Variants in TENM3 observed in about 807,000 individuals in gnomAD.
TENM3 encodes the protein teneurin-3.
A neutral mutation model predicts 255.1 loss-of-function variants in TENM3; 63 were observed. That is an observed-to-expected ratio of 0.25 (90% CI 0.20 to 0.30). TENM3 has a LOEUF of 0.30. Among genes scored for constraint, TENM3 ranks in the 10% least tolerant of loss-of-function variants. The pLI, the probability that TENM3 is intolerant of heterozygous loss-of-function variation, is 1.00. For synonymous variants in TENM3, 1,306 were observed against 1,322.3 expected (o/e 0.99, Z 0.27); for missense variants, 2,929 against 3,461.1 (o/e 0.85, Z 3.86).
At chr4:182,296,644 G>C (rs1047956461) in intron 1 of TENM3, among the ~76,000 whole-genome samples, 1 of 152,220 alleles carries the variant, frequency 6.6e-6, no homozygotes, top group Non-Finnish European at 1.5e-5. Context: ...TTACAGAAAC[G>C]TGTTTAGCAC....
At chr4:182,346,579 A>G in intron 2 of TENM3, 72 bp from the exon 3 acceptor site, 1 of 1,344,688 alleles carries the variant, frequency 7.4e-7, no homozygotes, top group East Asian at 2.4e-5. Flanking sequence ...CATTCTTAAA[A>G]AAAAAAAAAA....
intron 5 of TENM3, among the ~76,000 whole-genome samples, chr4:182,635,594 G>A (rs1403659278): frequency 2.0e-5 from 3 of 152,064 alleles, no homozygotes; most frequent in Non-Finnish European, 2.9e-5. Context: ...ATAGCAAACC[G>A]GAGAACTACT....
chr4:181,910,495 G>T, the TENM3 span, among the ~76,000 whole-genome samples: 1 of 149,780 alleles, frequency 6.7e-6, no homozygotes, highest in African/African-American at 2.5e-5. Flanking sequence ...CCAAGATTGT[G>T]CCACTGCACT....
chr4:182,520,596 G>A (rs1169401460), intron 3 of TENM3, among the ~76,000 whole-genome samples: 1 of 152,178 alleles, frequency 6.6e-6, no homozygotes, highest in Non-Finnish European at 1.5e-5. Flanking sequence ...TTCCTGCTAA[G>A]TGTATGAGCT....
chr4:182,453,677 A>G (rs1046013894), intron 3 of TENM3, among the ~76,000 whole-genome samples: 2 of 152,174 alleles, frequency 1.3e-5, no homozygotes, highest in Non-Finnish European at 2.9e-5. Flanking sequence ...GTTTGTGCAC[A>G]GTGCCTTTTT....
intron 3 of TENM3, among the ~76,000 whole-genome samples, chr4:182,523,130 A>T (rs1255423070): frequency 6.6e-6 from 1 of 151,866 alleles, no homozygotes; most frequent in African/African-American, 2.4e-5. Context: ...GTCCATTTTT[A>T]AATTGAATAA....
the TENM3 span, among the ~76,000 whole-genome samples, chr4:181,747,526 T>C: frequency 6.6e-6 from 1 of 152,048 alleles, no homozygotes. Flanking sequence ...GTTTTCCTAA[T>C]TTTTGCCCAC....
the TENM3 span, among the ~76,000 whole-genome samples, chr4:181,744,456 G>T: frequency 1.3e-5 from 2 of 152,192 alleles, no homozygotes; most frequent in Non-Finnish European, 2.9e-5. Flanking sequence ...CAGTGTAAAA[G>T]CATTCCTTTT....
the TENM3 span, among the ~76,000 whole-genome samples, chr4:182,010,755 T>A: frequency 6.6e-6 from 1 of 152,190 alleles, no homozygotes; most frequent in African/African-American, 2.4e-5. Flanking sequence ...ATTAGAAGGT[T>A]AAAAACAAAA....
chr4:182,180,994 C>T (rs1295405035), intron 1 of TENM3, among the ~76,000 whole-genome samples: 3 of 151,500 alleles, frequency 2.0e-5, no homozygotes, highest in Non-Finnish European at 4.4e-5. Context: ...TGATCACAGC[C>T]AAAAGGCTGA....
chr4:182,745,202 C>T (rs1761919054), intron 19 of TENM3, among the ~76,000 whole-genome samples: 1 of 152,202 alleles, frequency 6.6e-6, no homozygotes, highest in Non-Finnish European at 1.5e-5. Context: ...GGATAGCTGT[C>T]GCATATCAGG....
intron 2 of TENM3, among the ~76,000 whole-genome samples, chr4:182,330,586 C>A (rs994485627): frequency 2.6e-5 from 4 of 152,132 alleles, no homozygotes; most frequent in African/African-American, 9.7e-5. Flanking sequence ...TGTCCTGAAC[C>A]CCATCAATAG....
At chr4:181,940,365 C>G in the TENM3 span, among the ~76,000 whole-genome samples, 1 of 152,098 alleles carries the variant, frequency 6.6e-6, no homozygotes, top group Non-Finnish European at 1.5e-5. Flanking sequence ...ACAGTGTACA[C>G]ATATTTAGCT....
chr4:181,553,320 G>GTGTATATA, the TENM3 span, among the ~76,000 whole-genome samples: 6 of 115,752 alleles, frequency 5.2e-5, no homozygotes, highest in African/African-American at 2.0e-4. Flanking sequence ...ATGTGTATGC[G>GTGTATATA]TATATATATA....
At chr4:182,597,269 C>T (rs879850624) in intron 3 of TENM3, among the ~76,000 whole-genome samples, 5 of 151,936 alleles carry the variant, frequency 3.3e-5, no homozygotes, top group South Asian at 2.1e-4. Context: ...ATTAGCCGGG[C>T]GTGGTGGCAC....
At chr4:182,672,589 A>G (rs1755310910) in intron 6 of TENM3, among the ~76,000 whole-genome samples, 1 of 152,222 alleles carries the variant, frequency 6.6e-6, no homozygotes, top group South Asian at 2.1e-4. Flanking sequence ...AGAAATCTCC[A>G]TAATCCATTC....
chr4:182,262,815 G>T (rs578082556), intron 1 of TENM3, among the ~76,000 whole-genome samples: 1 of 147,552 alleles, frequency 6.8e-6, no homozygotes, highest in African/African-American at 2.5e-5. Context: ...CCGGGTTCAC[G>T]CCATTCTCCT....
At chr4:182,476,259 A>C (rs1471933269) in intron 3 of TENM3, among the ~76,000 whole-genome samples, 2 of 152,176 alleles carry the variant, frequency 1.3e-5, no homozygotes, top group African/African-American at 4.8e-5. Context: ...CTATATCCAG[A>C]GGCAGAAAAC....
chr4:182,156,375 A>G (rs1200756440), intron 1 of TENM3, among the ~76,000 whole-genome samples: 2 of 151,870 alleles, frequency 1.3e-5, no homozygotes, highest in African/African-American at 2.4e-5. Context: ...CTTTCATTTT[A>G]GATTCAGGGG....
Sources: allele counts gnomAD v4.1 joint callset (sites outside exome capture counted in the v4.1 genomes callset), GRCh38; gene constraint gnomAD v4.1.1; transcripts MANE v1.5; gene names NCBI Gene and HGNC (gene_info 2026-07-23, HGNC 2026-07-21).